PREX1: variants seen among roughly 807,000 people sequenced by gnomAD.
PREX1 encodes the protein phosphatidylinositol 3,4,5-trisphosphate-dependent Rac exchanger 1 protein.
In PREX1, 41 loss-of-function variants were observed where a neutral mutation model predicts 198.3. The ratio of observed to expected loss-of-function variants is 0.21; its 90% CI spans 0.16 to 0.27. PREX1 has a LOEUF of 0.27. Among genes scored for constraint, PREX1 ranks in the 10% least tolerant of loss-of-function variants. The probability of loss-of-function intolerance (pLI) is 1.00; values close to 1 mark genes in which losing one functional copy is unlikely to be tolerated. For missense variants in PREX1, 1,620 were observed against 2,200.7 expected, an observed-to-expected ratio of 0.74 and a Z score of 5.28; for synonymous variants, 843 against 887.2, an observed-to-expected ratio of 0.95 and a Z score of 0.89.
intron 29 of PREX1, among the ~76,000 whole-genome samples, chr20:48,641,703 GA>G (rs1219090604): frequency 3.3e-5 from 5 of 151,970 alleles, no homozygotes; most frequent in East Asian, 3.9e-4. Context: ...GAGTTGTGAG[GA>G]TAACTTGAGC....
At chr20:48,632,720 T>C (rs965857396) in intron 33 of PREX1, 81 bp from the exon 34 acceptor site, 71 of 1,513,460 alleles carry the variant, frequency 4.7e-5, no homozygotes, top group Non-Finnish European at 6.4e-5. Context: ...CCAGAACAGC[T>C]GGCACCTCCC....
At chr20:48,662,525 C>A (rs377009842) in intron 15 of PREX1, among the ~76,000 whole-genome samples, 31 of 152,316 alleles carry the variant, frequency 2.0e-4, no homozygotes, top group African/African-American at 7.2e-4. Context: ...GACCAACATG[C>A]TGGGGTGGCT....
At chr20:48,861,183 A>T in the PREX1 span, among the ~76,000 whole-genome samples, 54 of 152,260 alleles carry the variant, frequency 3.5e-4, no homozygotes, top group African/African-American at 1.3e-3. Context: ...GACACTCTTT[A>T]GCCCCAGAAC....
chr20:48,803,853 A>C (rs556475218), intron 1 of PREX1, among the ~76,000 whole-genome samples: 1 of 152,226 alleles, frequency 6.6e-6, no homozygotes, highest in East Asian at 1.9e-4. Flanking sequence ...CCTGGATCCA[A>C]CTGTGCCTGA....
chr20:48,666,168 A>T lies in PREX1; in HGVS notation c.1738+115T>A. ...GAGGTGGGATTCGTGAGCCTCCCCA[A>T]ACCCCCGGGGGTCTAGAGAGCCACA... On this transcript the variant is annotated intron_variant, in intron 15 of 39. Coordinates refer to ENST00000371941, the MANE Select transcript of PREX1 (RefSeq NM_020820.4). The surrounding 1 kb of genome is among the most constrained non-coding windows in gnomAD (Gnocchi z 4.3). 1 of 1,090,612 alleles carries T rather than the reference A, an allele frequency of 9.2e-7. No homozygotes were observed. The highest frequency in any genetic ancestry group is 1.4e-5 in the South Asian group (1 of 70,422). 67.6% of individuals were successfully genotyped at this position (1,090,612 alleles called of 1,614,324 possible). A position where few individuals can be genotyped will look rare whatever the true frequency, so the allele number is the denominator to read the frequency against.
chr20:48,713,442 A>G (rs1000891791), intron 5 of PREX1, among the ~76,000 whole-genome samples: 2 of 151,554 alleles, frequency 1.3e-5, no homozygotes, highest in African/African-American at 4.9e-5. Context: ...ACAGAGTGAG[A>G]CTCCATCATA....
At chr20:48,706,099 C>T (rs6019384) in intron 6 of PREX1, among the ~76,000 whole-genome samples, 2 of 152,198 alleles carry the variant, frequency 1.3e-5, no homozygotes, top group East Asian at 1.9e-4. Context: ...TTGCATCCAG[C>T]AACACTGGCC....
intron 6 of PREX1, among the ~76,000 whole-genome samples, chr20:48,701,936 G>A (rs1375741069): frequency 6.6e-6 from 1 of 152,122 alleles, no homozygotes; most frequent in Non-Finnish European, 1.5e-5. Context: ...AAAGAGGCTG[G>A]CCGGGCGCAG....
At chr20:48,627,731 C>A in intron 38 of PREX1, 116 bp from the exon 39 acceptor site, 1 of 1,405,172 alleles carries the variant, frequency 7.1e-7, no homozygotes, top group Non-Finnish European at 9.9e-7. Flanking sequence ...AAGATCCTTG[C>A]TCCCCTCCAG....
At chr20:48,726,763 T>C (rs532692941) in intron 4 of PREX1, among the ~76,000 whole-genome samples, 3 of 152,194 alleles carry the variant, frequency 2.0e-5, no homozygotes, top group East Asian at 3.8e-4. Context: ...CTAGAGAAGC[T>C]TTCACATATA....
At chr20:48,715,760 T>C (rs1042268070) in intron 5 of PREX1, among the ~76,000 whole-genome samples, 1 of 152,230 alleles carries the variant, frequency 6.6e-6, no homozygotes, top group African/African-American at 2.4e-5. Flanking sequence ...ATAGAAGTCG[T>C]GGTAATAGTC....
Position 48,816,306 on chromosome 20 carries a change from T to C in PREX1, c.219+11336A>G, listed in dbSNP as rs140792330. Among the ~76,000 whole-genome samples the C allele has an allele frequency of 2.5e-4, 38 of 152,284 alleles. 1 individual carries two copies. In the East Asian group the frequency reaches 5.0e-3, roughly 20 times the overall value. On this transcript the variant is annotated intron_variant, in intron 1 of 39. Transcript: ENST00000371941. Reference sequence around the variant, plus strand: ...AGTTCAAACCCACCACTGACCATTGTTGGTGGGCAGAACCCTGAGATGGCC... The same window carrying C: ...AGTTCAAACCCACCACTGACCATTGCTGGTGGGCAGAACCCTGAGATGGCC...
chr20:48,882,525 A>AAGAAAAG, the PREX1 span, among the ~76,000 whole-genome samples: 1 of 97,814 alleles, frequency 1.0e-5, no homozygotes, highest in Non-Finnish European at 2.0e-5. Context: ...AAAAAAAAAA[A>AAGAAAAG]AGAGAGAATC....
Position 48,625,665 on chromosome 20 carries a change from G to T in PREX1, c.*220C>A. 1.8e-6 allele frequency: 1 copy of T among 547,248 alleles called. No homozygotes were observed. The highest frequency in any genetic ancestry group is 2.6e-5 in the South Asian group (1 of 38,478). 33.9% of individuals were successfully genotyped at this position (547,248 alleles called of 1,614,324 possible). A position where few individuals can be genotyped will look rare whatever the true frequency, so the allele number is the denominator to read the frequency against. ...AGCACCCCTCCAGCTTCTGGCAGGC[G>T]TGTGAAGAATGGGCCGGCCCAGGGC... is the stretch of plus-strand genomic sequence containing the variant. On this transcript the variant is annotated 3_prime_UTR_variant, in exon 40 of 40. Transcript: ENST00000371941.
chr20:48,789,742 A>G (rs1365556282), intron 1 of PREX1, among the ~76,000 whole-genome samples: 1 of 152,210 alleles, frequency 6.6e-6, no homozygotes. Context: ...CAATGTTGTG[A>G]CTGGTATTTG....
intron 2 of PREX1, among the ~76,000 whole-genome samples, chr20:48,746,604 C>G (rs527668752): frequency 6.6e-6 from 1 of 152,222 alleles, no homozygotes; most frequent in African/African-American, 2.4e-5. Context: ...GGAGGGAGGA[C>G]TGACTGAGGG....
At chr20:48,710,228 C>T (rs995913595) in intron 5 of PREX1, among the ~76,000 whole-genome samples, 2 of 152,206 alleles carry the variant, frequency 1.3e-5, no homozygotes, top group Non-Finnish European at 2.9e-5. Context: ...GGCAGGGCAC[C>T]CAGGGCCAGC....
At position 48,788,262 on chromosome 20, in the gene PREX1, G is replaced by A. The variant is rs184261748; in HGVS notation, c.219+39380C>T. ...ATGTTTGGAGATATGATGTAACCTGGGTGAGTGAATTCATTCAAAGATGAG... is the reference window on the plus strand; with the variant it reads ...ATGTTTGGAGATATGATGTAACCTGAGTGAGTGAATTCATTCAAAGATGAG... On this transcript the variant is annotated intron_variant, in intron 1 of 39. Transcript: ENST00000371941. Among the ~76,000 whole-genome samples, 267 of 152,230 alleles carry A rather than the reference G, an allele frequency of 1.8e-3. 3 individuals carry two copies. Among genetic ancestry groups the A allele is most frequent in the Admixed American group, 0.016 (243 of 15,292 alleles).
At chr20:48,633,005 C>G (rs546639609) in intron 33 of PREX1, among the ~76,000 whole-genome samples, 1 of 152,354 alleles carries the variant, frequency 6.6e-6, no homozygotes, top group East Asian at 1.9e-4. Flanking sequence ...TGTACCCTCA[C>G]CCGGTAGCCC....
Sources: gnomAD v4.1 joint callset for allele counts (sites outside exome capture counted in the v4.1 genomes callset) on GRCh38, gnomAD v4.1.1 for gene constraint, Gnocchi (gnomAD v3.1) non-coding constraint, MANE v1.5 for transcripts, NCBI Gene and HGNC (gene_info 2026-07-23, HGNC 2026-07-21) for gene names.